BCLAF3: variants seen among roughly 807,000 people sequenced by gnomAD.
The protein encoded by BCLAF3 is transient octamer binding factor 1.
In BCLAF3, 24 loss-of-function variants were observed where a neutral mutation model predicts 51.2. The ratio of observed to expected loss-of-function variants is 0.47; its 90% CI spans 0.34 to 0.66. BCLAF3 has a LOEUF of 0.66. BCLAF3 is among the 30% of genes least tolerant of loss of function. The pLI, the probability that BCLAF3 is intolerant of heterozygous loss-of-function variation, is 0.01. For missense variants in BCLAF3, 465 were observed against 525.1 expected, an observed-to-expected ratio of 0.89 and a Z score of 1.12; for synonymous variants, 152 against 176.6, an observed-to-expected ratio of 0.86 and a Z score of 1.10.
chrX:19,958,277 C>T (rs763830216), intron 4 of BCLAF3, among the ~76,000 whole-genome samples: 2 of 111,860 alleles, frequency 1.8e-5, no homozygotes, highest in African/African-American at 6.5e-5. Flanking sequence ...TCCTGTTGCA[C>T]ACACTTAGGA....
chrX:19,961,014 G>C (rs2147934881), intron 4 of BCLAF3, among the ~76,000 whole-genome samples: 1 of 111,745 alleles, frequency 8.9e-6, no homozygotes, highest in East Asian at 2.8e-4. Flanking sequence ...TCCATCAGCA[G>C]CAGCTTATTC....
chrX:19,950,604 A>G (rs2071446052), intron 8 of BCLAF3, 149 bp downstream of exon 8: 1 of 408,459 alleles, frequency 2.4e-6, no homozygotes, highest in South Asian at 5.3e-5. Context: ...ACCTGGAAAC[A>G]TTTTAATAGA....
At chrX:19,950,580 A>G (rs1373775807) in intron 8 of BCLAF3, among the ~76,000 whole-genome samples, 173 bp downstream of exon 8, 1 of 112,614 alleles carries the variant, frequency 8.9e-6, no homozygotes, top group Non-Finnish European at 1.9e-5. Context: ...ACCGCATATG[A>G]GAATCACTGA....
chrX:19,946,094 C>T (rs779725139), intron 8 of BCLAF3, among the ~76,000 whole-genome samples: 19 of 110,004 alleles, frequency 1.7e-4, no homozygotes, highest in South Asian at 1.2e-3. Context: ...TGACCCCTTG[C>T]GCTTCCCAGG....
intron 8 of BCLAF3, among the ~76,000 whole-genome samples, chrX:19,949,130 A>C (rs909283761): frequency 8.9e-6 from 1 of 111,821 alleles, no homozygotes; most frequent in African/African-American, 3.3e-5. Context: ...GACAGCTTGT[A>C]GGAACACATC....
chrX:19,979,787 T>C lies in BCLAF3; in HGVS notation c.-34-9489A>G, dbSNP rs539133678. 7.2e-5 allele frequency among the ~76,000 whole-genome samples: 8 copies of C among 110,356 alleles called. No homozygotes were observed. The South Asian group carries it at 3.1e-3, about 42-fold the overall frequency. ...AAAATGAGAGAAAAAGACTCAACTA[T>C]CTCAAAAGTGAGGAATAAATTACAA... On this transcript the variant is annotated intron_variant, in intron 1 of 11. Coordinates refer to ENST00000379682, the MANE Select transcript of BCLAF3 (RefSeq NM_001367774.2).
At chrX:19,927,800 C>A (rs948671647) in intron 11 of BCLAF3, among the ~76,000 whole-genome samples, 1 of 108,794 alleles carries the variant, frequency 9.2e-6, no homozygotes, top group Non-Finnish European at 1.9e-5. Context: ...TACCACTATG[C>A]CCAGCAATTC....
chrX:19,938,228 GC>G (rs1370375194), intron 8 of BCLAF3, among the ~76,000 whole-genome samples: 1 of 110,261 alleles, frequency 9.1e-6, no homozygotes, highest in Non-Finnish European at 1.9e-5. Context: ...ATGCTTCTCA[GC>G]CCCTTCCTGT....
intron 1 of BCLAF3, among the ~76,000 whole-genome samples, chrX:19,980,503 A>G (rs1187700961): frequency 4.4e-5 from 5 of 112,505 alleles, no homozygotes; most frequent in African/African-American, 1.6e-4. Context: ...TTTCTGAGGA[A>G]TATACTGGAG....
intron 11 of BCLAF3, among the ~76,000 whole-genome samples, chrX:19,921,290 A>G (rs1339672004): frequency 8.9e-6 from 1 of 112,127 alleles, no homozygotes; most frequent in African/African-American, 3.2e-5. Context: ...AGAAGACTCC[A>G]AAGCTTCCAA....
chrX:19,936,752 T>C (rs1337682031), intron 9 of BCLAF3, among the ~76,000 whole-genome samples: 3 of 111,950 alleles, frequency 2.7e-5, no homozygotes, highest in Non-Finnish European at 3.8e-5. Flanking sequence ...TTTTGTGAGC[T>C]GCCCTATAAA....
chrX:19,925,583 A>T (rs2070328875), intron 11 of BCLAF3, among the ~76,000 whole-genome samples: 1 of 111,634 alleles, frequency 9.0e-6, no homozygotes, highest in Non-Finnish European at 1.9e-5. Context: ...GTTCAGACTA[A>T]GATTTCTCTC....
At position 19,981,081 on chromosome X, in the gene BCLAF3, T is replaced by C. The variant is rs2072597245; in HGVS notation, c.-35+9827A>G. 1.8e-5 allele frequency among the ~76,000 whole-genome samples: 2 copies of C among 111,148 alleles called. 1 individual carries two copies. Among genetic ancestry groups the C allele is most frequent in the African/African-American group, 6.5e-5 (2 of 30,576 alleles). On this transcript the variant is annotated intron_variant, in intron 1 of 11. Transcript: ENST00000379682. ...GTACACAATAGGTGGGTTTAAGGGA[T>C]ACTGGCAGGAAAAAATAGATACACC... is the stretch of plus-strand genomic sequence containing the variant.
chrX:19,919,621 C>G (rs2070062186), intron 11 of BCLAF3, among the ~76,000 whole-genome samples: 1 of 110,630 alleles, frequency 9.0e-6, no homozygotes, highest in South Asian at 3.8e-4. Context: ...CTTTGGGAGG[C>G]TGAGGTGGGC....
chrX:19,971,703 T>C (rs2072263521), intron 1 of BCLAF3, among the ~76,000 whole-genome samples: 1 of 111,789 alleles, frequency 8.9e-6, no homozygotes, highest in Non-Finnish European at 1.9e-5. Context: ...AACTTAGTGG[T>C]CCCAAACCCC....
At position 19,965,548 on chromosome X, in the gene BCLAF3, C is replaced by T; in HGVS notation, c.770G>A (p.Gly257Glu). 1 of 1,201,012 alleles carries T rather than the reference C, an allele frequency of 8.3e-7. No individual in the cohort carries two copies. Among genetic ancestry groups the T allele is most frequent in the Non-Finnish European group, 1.1e-6 (1 of 890,991 alleles). Reference protein sequence around the residue: ...YQEDTDQWNLGPQTYRHAERE... With the variant: ...YQEDTDQWNLEPQTYRHAERE... ...CTCAGCATGTCGATAAGTTTGGGGC[C>T]CAAGGTTCCACTGGTCTGTGTCCTC... Residue 257 changes from glycine to glutamate, a missense_variant, in exon 4 of 12, where the codon GGG becomes GAG. Transcript: ENST00000379682.
Position 19,929,835 on chromosome X carries a change from T to C in BCLAF3, c.2056A>G (p.Arg686Gly), listed in dbSNP as rs1203586363. ...CTGAACTTATGAGTGATAAATCCCC[T>C]TGGGCCAGTGAACCGTAAACGCTGA... is the stretch of plus-strand genomic sequence containing the variant. ...KYQRLRFTGP[R>G]GFITHKFRER... Residue 686 changes from arginine (R) to glycine (G), a missense_variant, in exon 11 of 12, where the codon AGG becomes GGG. By Grantham distance (125) the Arg-to-Gly change is moderately radical. Coordinates refer to ENST00000379682, the MANE Select transcript of BCLAF3 (RefSeq NM_001367774.2). 1.7e-6 allele frequency: 2 copies of C among 1,208,915 alleles called. No homozygotes were observed. Among genetic ancestry groups the C allele is most frequent in the East Asian group, 5.9e-5 (2 of 33,736 alleles).
At chrX:19,933,950 A>G (rs1485047100) in intron 10 of BCLAF3, among the ~76,000 whole-genome samples, 1 of 110,030 alleles carries the variant, frequency 9.1e-6, no homozygotes, top group Non-Finnish European at 1.9e-5. Context: ...TAATTTTTGT[A>G]TTTTTTGTAG....
intron 11 of BCLAF3, among the ~76,000 whole-genome samples, chrX:19,922,358 A>G (rs1488271219): frequency 4.5e-5 from 5 of 111,760 alleles, no homozygotes; most frequent in Non-Finnish European, 9.4e-5. Context: ...CTCAGCACTT[A>G]TATCTATAAA....
Sources: allele counts gnomAD v4.1 joint callset (sites outside exome capture counted in the v4.1 genomes callset), GRCh38; gene constraint gnomAD v4.1.1; transcripts MANE v1.5; gene names NCBI Gene and HGNC (gene_info 2026-07-23, HGNC 2026-07-21).